Variants in ZFAND6 observed in about 807,000 individuals in gnomAD.
ZFAND6 encodes the protein zinc finger AN1-type containing 6, also known as AN1-type zinc finger protein 6.
Under a neutral mutation model 24.5 loss-of-function variants are expected in ZFAND6, and 12 were observed. The ratio of observed to expected loss-of-function variants is 0.49; its 90% CI spans 0.31 to 0.79. ZFAND6 has a LOEUF of 0.79. Among genes scored for constraint, ZFAND6 ranks in the 30% least tolerant of loss-of-function variants. The pLI is 0.04. For synonymous variants in ZFAND6, 92 were observed against 81.5 expected (o/e 1.13, Z -0.69); for missense variants, 207 against 245.9 (o/e 0.84, Z 1.06).
At chr15:80,131,730 T>C (rs1349591519) in intron 6 of ZFAND6, among the ~76,000 whole-genome samples, 2 of 152,208 alleles carry the variant, frequency 1.3e-5, no homozygotes, top group Non-Finnish European at 2.9e-5. Context: ...GTAATTAATA[T>C]ATGTTGGCTA....
chr15:80,074,320 T>A (rs1202901653), intron 1 of ZFAND6, among the ~76,000 whole-genome samples: 2 of 151,918 alleles, frequency 1.3e-5, no homozygotes, highest in African/African-American at 2.4e-5. Context: ...TGTGTTGCTA[T>A]TAGTAAGTAT....
chr15:80,131,431 T>C, intron 6 of ZFAND6, 138 bp downstream of exon 6: 1 of 639,958 alleles, frequency 1.6e-6, no homozygotes, highest in Non-Finnish European at 2.5e-6. Flanking sequence ...CTGAATTTTC[T>C]TAAGGAAATA....
intron 1 of ZFAND6, among the ~76,000 whole-genome samples, chr15:80,068,240 C>G (rs1315699560): frequency 1.3e-5 from 2 of 151,728 alleles, no homozygotes; most frequent in Non-Finnish European, 2.9e-5. Flanking sequence ...CTCAACCTCC[C>G]TGGCTCAAGG....
chr15:80,111,547 C>T (rs1043853949), intron 2 of ZFAND6: 1 of 455,938 alleles, frequency 2.2e-6, no homozygotes, highest in South Asian at 1.5e-5. Context: ...GCAAACAATA[C>T]AGTGGCCTCT....
At chr15:80,101,340 G>A (rs2039017568) in intron 2 of ZFAND6, among the ~76,000 whole-genome samples, 1 of 152,118 alleles carries the variant, frequency 6.6e-6, no homozygotes, top group Non-Finnish European at 1.5e-5. Context: ...GCTGGCACTT[G>A]TCATCAAAGC....
intron 1 of ZFAND6, among the ~76,000 whole-genome samples, chr15:80,082,911 C>T (rs1279408028): frequency 6.6e-6 from 1 of 152,090 alleles, no homozygotes; most frequent in Admixed American, 6.5e-5. Flanking sequence ...AAAGTTTTCT[C>T]TGAGGTGGAT....
rs569113707 is a variant in ZFAND6, at chr15:80,132,369, T to C, written c.478+1076T>C. On this transcript the variant is annotated intron_variant, in intron 6 of 6. Transcript: ENST00000261749. The stretch of plus-strand genomic sequence containing the variant: ...CCACAGAATATGCACAAATCTATTA[T>C]AAAAAATTAAAATTTTATCAAAACT... Among the ~76,000 whole-genome samples the C allele has an allele frequency of 4.6e-5, 7 of 152,308 alleles. No individual in the cohort carries two copies. The South Asian group carries it at 8.3e-4, about 18-fold the overall frequency.
At chr15:80,120,000 G>C (rs2040076822) in intron 2 of ZFAND6, among the ~76,000 whole-genome samples, 1 of 152,142 alleles carries the variant, frequency 6.6e-6, no homozygotes, top group Non-Finnish European at 1.5e-5. Context: ...ATTACTAGGA[G>C]GGTCCAAACT....
Position 80,131,308 on chromosome 15 carries a change from C to A in ZFAND6, c.478+15C>A. 6.3e-7 allele frequency: 1 copy of A among 1,599,612 alleles called. No individual in the cohort carries two copies. Among genetic ancestry groups the A allele is most frequent in the Non-Finnish European group, 8.6e-7 (1 of 1,167,858 alleles). ...GGGACTTACTGGTAAGGACCTAAAT[C>A]AAATGTTTAAAATTAAAATGATGTT... On this transcript the variant is annotated intron_variant, in intron 6 of 6. Coordinates refer to ENST00000261749, the MANE Select transcript of ZFAND6 (RefSeq NM_019006.4).
intron 1 of ZFAND6, among the ~76,000 whole-genome samples, chr15:80,078,135 G>C (rs1473270274): frequency 2.0e-5 from 3 of 152,110 alleles, no homozygotes; most frequent in Non-Finnish European, 4.4e-5. Context: ...ACTGTGGTTT[G>C]ATGTACAAAC....
intron 2 of ZFAND6, chr15:80,115,192 G>C (rs1202522088): frequency 6.6e-6 from 1 of 152,238 alleles, no homozygotes; most frequent in African/African-American, 2.4e-5. Context: ...AATAAAAAGA[G>C]TTCCTGGCAC....
intron 2 of ZFAND6, among the ~76,000 whole-genome samples, chr15:80,113,820 G>A (rs1009036373): frequency 5.1e-5 from 7 of 136,818 alleles, no homozygotes; most frequent in African/African-American, 1.9e-4. Flanking sequence ...GTTTAGCTGG[G>A]AACAGAGTTG....
At chr15:80,073,496 T>C (rs1338149770) in intron 1 of ZFAND6, among the ~76,000 whole-genome samples, 2 of 151,970 alleles carry the variant, frequency 1.3e-5, no homozygotes, top group African/African-American at 4.8e-5. Context: ...CAATAATCAT[T>C]GCAATAATCA....
intron 1 of ZFAND6, among the ~76,000 whole-genome samples, chr15:80,080,718 A>G (rs1292701097): frequency 6.6e-6 from 1 of 152,226 alleles, no homozygotes; most frequent in Admixed American, 6.5e-5. Flanking sequence ...TGCAGGAGAC[A>G]TGGCACCAGA....
chr15:80,065,042 C>A (rs1281470344), intron 1 of ZFAND6, among the ~76,000 whole-genome samples: 2 of 135,670 alleles, frequency 1.5e-5, no homozygotes, highest in Admixed American at 7.7e-5. Context: ...AAAAAACAGG[C>A]AAGGGTTTTT....
rs536008813 is a variant in ZFAND6, at chr15:80,095,442, C to G, written c.-180-2974C>G. On this transcript the variant is annotated intron_variant, in intron 1 of 6. Coordinates refer to ENST00000261749, the MANE Select transcript of ZFAND6 (RefSeq NM_019006.4). ...TCCTCTACTTAAGTTAATATTTCTCCTTCTGTAATACATAATTTGTGGGAA... is the reference window on the plus strand; with the variant it reads ...TCCTCTACTTAAGTTAATATTTCTCGTTCTGTAATACATAATTTGTGGGAA... 2.6e-5 allele frequency among the ~76,000 whole-genome samples: 4 copies of G among 152,252 alleles called. No individual in the cohort carries two copies. The East Asian group carries it at 7.7e-4, about 29-fold the overall frequency.
At chr15:80,088,878 T>A (rs1337634755) in intron 1 of ZFAND6, among the ~76,000 whole-genome samples, 1 of 152,208 alleles carries the variant, frequency 6.6e-6, no homozygotes, top group African/African-American at 2.4e-5. Flanking sequence ...TGGTGGCTAC[T>A]TAATATATTG....
In ZFAND6 at chr15:80,062,111, ATAAAT is replaced by A. The variant is rs139720968; in HGVS notation, c.-181+2305_-181+2309del. Among the ~76,000 whole-genome samples, 18 of 152,324 alleles carry A rather than the reference ATAAAT, an allele frequency of 1.2e-4. No homozygotes were observed. In the East Asian group the frequency reaches 3.3e-3, roughly 28 times the overall value. ...GAAAAAACGCTGGATTGTATGTAAAATAAATTATCCTTTCTGCTGTTCCTCTCCTC... is the reference window on the plus strand; with the variant it reads ...GAAAAAACGCTGGATTGTATGTAAAATATCCTTTCTGCTGTTCCTCTCCTC... On this transcript the variant is annotated intron_variant, in intron 1 of 6. Coordinates refer to ENST00000261749, the MANE Select transcript of ZFAND6 (RefSeq NM_019006.4).
intron 1 of ZFAND6, among the ~76,000 whole-genome samples, chr15:80,078,393 C>A (rs1596206714): frequency 6.6e-6 from 1 of 152,168 alleles, no homozygotes; most frequent in South Asian, 2.1e-4. Flanking sequence ...TGATTTTGTT[C>A]TTTTTTATGG....
Sources: allele counts gnomAD v4.1 joint callset (sites outside exome capture counted in the v4.1 genomes callset), GRCh38; gene constraint gnomAD v4.1.1; transcripts MANE v1.5; gene names NCBI Gene and HGNC (gene_info 2026-07-23, HGNC 2026-07-21).